Variants in MGAT4C observed in about 807,000 individuals in gnomAD.
MGAT4C encodes MGAT4 family member C.
MGAT4C carries 19 observed loss-of-function variants against 40.1 expected under a neutral mutation model. That is an observed-to-expected ratio of 0.47 (90% confidence interval 0.33 to 0.70). The LOEUF (loss-of-function observed/expected upper bound fraction) is 0.70, where lower values mean the gene tolerates loss of function less well. Ranked by LOEUF, MGAT4C falls within the 30% of genes least tolerant of loss-of-function variation. The pLI is 0.02. For synonymous variants in MGAT4C, 181 were observed against 187.1 expected, an observed-to-expected ratio of 0.97 and a Z score of 0.27; for missense variants, 491 against 563.2, an observed-to-expected ratio of 0.87 and a Z score of 1.30.
At chr12:86,243,623 C>T (rs377622843) in intron 1 of MGAT4C, among the ~76,000 whole-genome samples, 11 of 152,220 alleles carry the variant, frequency 7.2e-5, no homozygotes, top group African/African-American at 1.9e-4. Flanking sequence ...GGAACTAAGG[C>T]GGCCTATAGA....
intron 2 of MGAT4C, among the ~76,000 whole-genome samples, chr12:86,029,719 T>TA (rs1890567656): frequency 6.6e-6 from 1 of 151,934 alleles, no homozygotes; most frequent in Non-Finnish European, 1.5e-5. Flanking sequence ...GATGACACTT[T>TA]ATTTATACCT....
At chr12:86,619,563 C>A (rs1330362282) in intron 2 of MGAT4C, among the ~76,000 whole-genome samples, 1 of 152,092 alleles carries the variant, frequency 6.6e-6, no homozygotes, top group African/African-American at 2.4e-5. Flanking sequence ...AGCTTTGTTT[C>A]CTTATACTGT....
intron 4 of MGAT4C, among the ~76,000 whole-genome samples, chr12:86,285,362 C>A (rs900362893): frequency 2.0e-5 from 3 of 151,884 alleles, no homozygotes; most frequent in African/African-American, 7.2e-5. Flanking sequence ...TGTTCACCAC[C>A]GTGTATCCAG....
At chr12:86,243,825 G>A (rs538916013) in intron 1 of MGAT4C, among the ~76,000 whole-genome samples, 1 of 152,298 alleles carries the variant, frequency 6.6e-6, no homozygotes, top group East Asian at 1.9e-4. Context: ...TATCCAAGCT[G>A]TGTCCATATC....
chr12:86,461,573 A>G (rs1957602987), intron 2 of MGAT4C, among the ~76,000 whole-genome samples: 1 of 152,136 alleles, frequency 6.6e-6, no homozygotes, highest in Non-Finnish European at 1.5e-5. Context: ...TTATATACAT[A>G]CTATAATTGG....
intron 1 of MGAT4C, among the ~76,000 whole-genome samples, chr12:86,748,447 G>A (rs1450905526): frequency 2.6e-5 from 4 of 151,684 alleles, no homozygotes; most frequent in Admixed American, 2.0e-4. Context: ...TTTGGCTCAT[G>A]TACCTAACAT....
At chr12:86,468,285 A>AT (rs145854909) in intron 2 of MGAT4C, among the ~76,000 whole-genome samples, 1,901 of 150,752 alleles carry the variant, frequency 0.013, 23 homozygotes, top group East Asian at 0.049. Context: ...TTTTCAAATC[A>AT]TTTTTTTTTC....
chr12:86,452,194 T>C (rs1358549463), intron 2 of MGAT4C, among the ~76,000 whole-genome samples: 1 of 151,998 alleles, frequency 6.6e-6, no homozygotes, highest in Non-Finnish European at 1.5e-5. Context: ...TTCTTTTTTT[T>C]TTCTTTTTTT....
At chr12:86,389,273 C>G (rs1375973506) in intron 3 of MGAT4C, among the ~76,000 whole-genome samples, 12 of 152,098 alleles carry the variant, frequency 7.9e-5, no homozygotes, top group Non-Finnish European at 1.6e-4. Context: ...TTAGCTCACA[C>G]TTATAAGTGA....
At chr12:86,049,012 G>A (rs996568484) in intron 2 of MGAT4C, among the ~76,000 whole-genome samples, 6 of 151,946 alleles carry the variant, frequency 3.9e-5, no homozygotes, top group Non-Finnish European at 5.9e-5. Context: ...AAGAAAACTT[G>A]ACAATTCTTT....
intron 2 of MGAT4C, among the ~76,000 whole-genome samples, chr12:86,463,647 C>T (rs928553771): frequency 3.3e-4 from 50 of 152,070 alleles, no homozygotes; most frequent in African/African-American, 1.2e-3. Context: ...ATTTAAAATT[C>T]TTCATTTTAA....
intron 4 of MGAT4C, among the ~76,000 whole-genome samples, chr12:86,282,144 T>C (rs1953234239): frequency 6.6e-6 from 1 of 152,170 alleles, no homozygotes; most frequent in African/African-American, 2.4e-5. Context: ...CAAAAAGATG[T>C]TTTGCCATGA....
intron 1 of MGAT4C, among the ~76,000 whole-genome samples, chr12:86,088,069 C>T (rs183851760): frequency 2.9e-4 from 44 of 151,796 alleles, no homozygotes; most frequent in Non-Finnish European, 4.3e-4. Context: ...CCAGAAATAA[C>T]GCCAAATACC....
chr12:86,356,036 T>C (rs1235060108), intron 3 of MGAT4C, among the ~76,000 whole-genome samples: 2 of 152,102 alleles, frequency 1.3e-5, no homozygotes, highest in African/African-American at 4.8e-5. Flanking sequence ...TAGATTATAT[T>C]TGAAGTAATA....
chr12:86,288,859 G>C (rs985533977), intron 4 of MGAT4C, among the ~76,000 whole-genome samples: 2 of 152,082 alleles, frequency 1.3e-5, no homozygotes, highest in African/African-American at 4.8e-5. Flanking sequence ...CATTCTGTAG[G>C]TTGTCTGTGA....
At chr12:86,064,273 G>A (rs1451033482) in intron 1 of MGAT4C, among the ~76,000 whole-genome samples, 2 of 152,092 alleles carry the variant, frequency 1.3e-5, no homozygotes, top group Admixed American at 6.6e-5. Context: ...CCAGCTACTC[G>A]GGAGCCTGAG....
At chr12:86,288,859 G>A (rs985533977) in intron 4 of MGAT4C, among the ~76,000 whole-genome samples, 1 of 152,082 alleles carries the variant, frequency 6.6e-6, no homozygotes, top group African/African-American at 2.4e-5. Context: ...CATTCTGTAG[G>A]TTGTCTGTGA....
intron 2 of MGAT4C, among the ~76,000 whole-genome samples, chr12:86,582,347 T>G (rs2136435279): frequency 6.6e-6 from 1 of 151,440 alleles, no homozygotes; most frequent in East Asian, 1.9e-4. Context: ...TAAAATATTT[T>G]AGCCTTAGGT....
intron 2 of MGAT4C, among the ~76,000 whole-genome samples, chr12:86,655,114 G>A (rs1382262192): frequency 1.3e-5 from 2 of 151,744 alleles, no homozygotes; most frequent in Non-Finnish European, 2.9e-5. Flanking sequence ...GTATATATGT[G>A]CCATGTTGGT....
Sources: allele counts gnomAD v4.1 joint callset (sites outside exome capture counted in the v4.1 genomes callset), GRCh38; gene constraint gnomAD v4.1.1; transcripts MANE v1.5; gene names NCBI Gene and HGNC (gene_info 2026-07-23, HGNC 2026-07-21).